ZNF714: variants seen among roughly 807,000 people sequenced by gnomAD.
The protein encoded by ZNF714 is zinc finger protein 714.
In ZNF714, 32 loss-of-function variants were observed where a neutral mutation model predicts 46.2. That is an observed-to-expected ratio of 0.69 (90% CI 0.52 to 0.93). The LOEUF is 0.93. Among genes scored for constraint, ZNF714 ranks in the 40% least tolerant of loss-of-function variants. ZNF714 has a pLI of 0.00. For synonymous variants in ZNF714, 199 were observed against 213.1 expected (o/e 0.93, Z 0.58); for missense variants, 635 against 646.3 (o/e 0.98, Z 0.19).
Position 21,084,027 on chromosome 19 carries a change from TGGGGCAG to T in ZNF714, c.-126_-120del. 5 of 1,249,912 alleles carry T rather than the reference TGGGGCAG, an allele frequency of 4.0e-6. No homozygotes were observed. The highest frequency in any genetic ancestry group is 2.9e-5 in the South Asian group (2 of 68,270). 77.4% of individuals were successfully genotyped at this position (1,249,912 alleles called of 1,614,324 possible). On this transcript the variant is annotated 5_prime_UTR_variant, in exon 2 of 5. An upstream open reading frame in the 5' UTR loses its in-frame stop. Transcript: ENST00000456283. ...CCTCTCAAGGGAGCAAGTGGATCCC[TGGGGCAG>T]AGAGGAAGCTTCTAGTGTACTCTTA...
At chr19:21,103,417 G>A (rs1420292009) in intron 4 of ZNF714, among the ~76,000 whole-genome samples, 2 of 151,962 alleles carry the variant, frequency 1.3e-5, no homozygotes, top group African/African-American at 2.4e-5. Flanking sequence ...GCTGGACATG[G>A]TGGCCTACGC....
intron 4 of ZNF714, among the ~76,000 whole-genome samples, chr19:21,100,144 A>G (rs923616257): frequency 2.0e-5 from 3 of 151,994 alleles, no homozygotes; most frequent in Admixed American, 6.6e-5. Flanking sequence ...ATGAGTCACC[A>G]TGCCCAGCCG....
chr19:21,084,028 G>T lies in ZNF714; in HGVS notation c.-126G>T. 2 of 1,244,790 alleles carry T rather than the reference G, an allele frequency of 1.6e-6. No homozygotes were observed. The highest frequency in any genetic ancestry group is 1.0e-6 in the Non-Finnish European group (1 of 971,196). The allele number at this position is 1,244,790 out of a possible 1,614,324, so 77.1% of individuals were successfully genotyped here. A position where few individuals can be genotyped will look rare whatever the true frequency, so the allele number is the denominator to read the frequency against. ...CTCTCAAGGGAGCAAGTGGATCCCT[G>T]GGGCAGAGAGGAAGCTTCTAGTGTA... On this transcript the variant is annotated 5_prime_UTR_variant, in exon 2 of 5. Coordinates refer to ENST00000456283, the MANE Select transcript of ZNF714 (RefSeq NM_182515.4).
At chr19:21,112,816 A>AT (rs74172391) in intron 4 of ZNF714, among the ~76,000 whole-genome samples, 16,485 of 42,878 alleles carry the variant, frequency 0.38, 5,938 homozygotes, top group Non-Finnish European at 0.41. Context: ...TTTATTTCTG[A>AT]TTTTTTTTTT....
In ZNF714 at chr19:21,123,598, G is replaced by A. The variant is rs1264653442; in HGVS notation, c.*5266G>A. On this transcript the variant is annotated 3_prime_UTR_variant, in exon 5 of 5. Transcript: ENST00000456283. ...TCTCAATCTCCTGACCTCGTGATCC[G>A]CCCGCCTCGACCTCCCAAAGTGGTG... Among the ~76,000 whole-genome samples the A allele has an allele frequency of 6.6e-6, 1 of 151,856 alleles. No individual in the cohort carries two copies. Among genetic ancestry groups the A allele is most frequent in the African/African-American group, 2.4e-5 (1 of 41,352 alleles).
At chr19:21,098,344 T>C (rs1350735144) in intron 3 of ZNF714, 33 bp downstream of exon 3, 4 of 1,595,312 alleles carry the variant, frequency 2.5e-6, no homozygotes, top group African/African-American at 1.4e-5. Context: ...AGTCTTAATA[T>C]ACCCTAAACG....
intron 4 of ZNF714, among the ~76,000 whole-genome samples, chr19:21,110,902 G>T (rs541777490): frequency 6.6e-6 from 1 of 152,194 alleles, no homozygotes; most frequent in Admixed American, 6.5e-5. Flanking sequence ...TTGTAGATAT[G>T]CAGTCTTAGA....
chr19:21,103,228 C>G (rs1321500536), intron 4 of ZNF714, among the ~76,000 whole-genome samples: 1 of 148,418 alleles, frequency 6.7e-6, no homozygotes, highest in Non-Finnish European at 1.5e-5. Flanking sequence ...GTATTTTTTC[C>G]ATTTTTCCTT....
chr19:21,095,661 C>T (rs968439327), intron 2 of ZNF714, among the ~76,000 whole-genome samples: 1 of 151,712 alleles, frequency 6.6e-6, no homozygotes, highest in Non-Finnish European at 1.5e-5. Context: ...AGAGATGGGG[C>T]TTCACTGTGG....
chr19:21,089,886 G>A (rs1010318614), intron 2 of ZNF714, among the ~76,000 whole-genome samples: 2 of 148,738 alleles, frequency 1.3e-5, no homozygotes, highest in Non-Finnish European at 3.0e-5. Flanking sequence ...TAGAATTCTG[G>A]TAAGAAATTT....
At chr19:21,114,552 G>A (rs4809122) in intron 4 of ZNF714, among the ~76,000 whole-genome samples, 125,688 of 152,048 alleles carry the variant, frequency 0.83, 53,628 homozygotes, top group Middle Eastern at 0.94. Context: ...TTCATGCGAA[G>A]TGGGTCTCTT....
chr19:21,117,668 A>T lies in ZNF714; in HGVS notation c.1004A>T (p.His335Leu). Residue 335 changes from histidine (H) to leucine (L), a missense_variant, in exon 5 of 5, where the codon CAT (histidine) becomes CTT (leucine). His to Leu is a moderately conservative substitution (Grantham distance 99). Transcript: ENST00000456283. The part of the protein sequence containing the change: ...SSTLTKHKRI[H>L]TGEKPYKCEE... ...ACCCTTACAAAACATAAAAGAATTC[A>T]TACTGGAGAGAAACCCTACAAATGT... is the stretch of plus-strand genomic sequence containing the variant. The T allele has an allele frequency of 6.2e-7, 1 of 1,613,492 alleles. No homozygotes were observed. The highest frequency in any genetic ancestry group is 8.5e-7 in the Non-Finnish European group (1 of 1,179,718).
intron 2 of ZNF714, among the ~76,000 whole-genome samples, chr19:21,097,150 G>C (rs2144840252): frequency 6.6e-6 from 1 of 152,140 alleles, no homozygotes; most frequent in East Asian, 1.9e-4. Flanking sequence ...ACAGGTGTGA[G>C]CCACCACGCC....
At position 21,124,242 on chromosome 19, in the gene ZNF714, A is replaced by G. The variant is rs941959299; in HGVS notation, c.*5910A>G. The G allele has an allele frequency of 2.6e-5, 4 of 152,244 alleles. No homozygotes were observed. The highest frequency in any genetic ancestry group is 9.6e-5 in the African/African-American group (4 of 41,468). The allele number at this position is 152,244 out of a possible 1,614,324, so 9.4% of individuals were successfully genotyped here. A position where few individuals can be genotyped will look rare whatever the true frequency, so the allele number is the denominator to read the frequency against. On this transcript the variant is annotated 3_prime_UTR_variant, in exon 5 of 5. Coordinates refer to ENST00000456283, the MANE Select transcript of ZNF714 (RefSeq NM_182515.4). Reference sequence around the variant, plus strand: ...TTTTTGATACTATTTAGCCAAGATTACCACAAAGATACAGTATTTGACACA... The same window carrying G: ...TTTTTGATACTATTTAGCCAAGATTGCCACAAAGATACAGTATTTGACACA...
At chr19:21,104,378 A>G (rs545548294) in intron 4 of ZNF714, among the ~76,000 whole-genome samples, 12 of 152,250 alleles carry the variant, frequency 7.9e-5, no homozygotes, top group African/African-American at 2.6e-4. Context: ...CCTGTGCTTC[A>G]TATTTTGGAA....
chr19:21,082,443 C>CAA (rs1372572841), intron 1 of ZNF714, 95 bp downstream of exon 1: 1 of 1,239,976 alleles, frequency 8.1e-7, no homozygotes, highest in Non-Finnish European at 1.1e-6. Context: ...TCCCCGCAGT[C>CAA]AACTCTACAA....
chr19:21,091,461 T>G (rs1412880365), intron 2 of ZNF714: 3 of 152,214 alleles, frequency 2.0e-5, no homozygotes, highest in Non-Finnish European at 4.4e-5. Flanking sequence ...CAGCCTTATT[T>G]TTACTCAGGC....
In ZNF714 at chr19:21,084,027, TG is replaced by T; in HGVS notation, c.-123del. On this transcript the variant is annotated 5_prime_UTR_variant, in exon 2 of 5. An upstream open reading frame in the 5' UTR loses its in-frame stop. Coordinates refer to ENST00000456283, the MANE Select transcript of ZNF714 (RefSeq NM_182515.4). The stretch of plus-strand genomic sequence containing the variant: ...CCTCTCAAGGGAGCAAGTGGATCCC[TG>T]GGGCAGAGAGGAAGCTTCTAGTGTA... 1 of 1,249,910 alleles carries T rather than the reference TG, an allele frequency of 8.0e-7. No individual in the cohort carries two copies. The allele number at this position is 1,249,910 out of a possible 1,614,324, so 77.4% of individuals were successfully genotyped here.
chr19:21,089,361 C>T (rs1458491192), intron 2 of ZNF714, among the ~76,000 whole-genome samples: 1 of 152,104 alleles, frequency 6.6e-6, no homozygotes, highest in Non-Finnish European at 1.5e-5. Context: ...TTTCTTATTA[C>T]CAGACTTTAG....
Sources: gnomAD v4.1 joint callset for allele counts (sites outside exome capture counted in the v4.1 genomes callset) on GRCh38, gnomAD v4.1.1 for gene constraint, MANE v1.5 for transcripts, NCBI Gene and HGNC (gene_info 2026-07-23, HGNC 2026-07-21) for gene names.